Variants in PPP2R2D observed in about 807,000 individuals in gnomAD.
The protein encoded by PPP2R2D is serine/threonine-protein phosphatase 2A 55 kDa regulatory subunit B delta isoform.
PPP2R2D carries 9 observed loss-of-function variants against 31.1 expected under a neutral mutation model. The observed-to-expected ratio is 0.29, with a 90% confidence interval of 0.17 to 0.51. The LOEUF is 0.51. Ranked by LOEUF, PPP2R2D falls within the 20% of genes least tolerant of loss-of-function variation. The pLI, the probability that PPP2R2D is intolerant of heterozygous loss-of-function variation, is 0.98. For synonymous variants in PPP2R2D, 179 were observed against 172.6 expected (o/e 1.04, Z -0.29); for missense variants, 391 against 465.6 (o/e 0.84, Z 1.48).
chr10:131,941,272 A>T (rs1476774128), intron 5 of PPP2R2D, among the ~76,000 whole-genome samples: 1 of 152,212 alleles, frequency 6.6e-6, no homozygotes, highest in South Asian at 2.1e-4. Context: ...CTGATGCCTA[A>T]ATTTTTTCAT....
intron 2 of PPP2R2D, among the ~76,000 whole-genome samples, chr10:131,931,425 G>A (rs2036224717): frequency 6.6e-6 from 1 of 152,152 alleles, no homozygotes; most frequent in African/African-American, 2.4e-5. Context: ...TCAGCTTCCT[G>A]CAATCCCCAC....
At chr10:131,954,976 G>A (rs1021997726) in intron 8 of PPP2R2D, among the ~76,000 whole-genome samples, 1 of 152,188 alleles carries the variant, frequency 6.6e-6, no homozygotes, top group East Asian at 1.9e-4. Flanking sequence ...CTATTTTTCT[G>A]TCATTTTTGT....
At chr10:131,950,927 A>T (rs2036625186) in intron 8 of PPP2R2D, among the ~76,000 whole-genome samples, 1 of 152,270 alleles carries the variant, frequency 6.6e-6, no homozygotes. Context: ...ATTAAATTTT[A>T]AACTTCTTTA....
chr10:131,946,360 GAC>G (rs2036540438), intron 7 of PPP2R2D, among the ~76,000 whole-genome samples: 1 of 152,140 alleles, frequency 6.6e-6, no homozygotes, highest in Admixed American at 6.5e-5. Flanking sequence ...CCAGCAGGTA[GAC>G]ACACGTCCAG....
intron 8 of PPP2R2D, among the ~76,000 whole-genome samples, chr10:131,952,825 T>C (rs1589962834): frequency 6.8e-5 from 4 of 58,834 alleles, no homozygotes; most frequent in Non-Finnish European, 1.2e-4. Context: ...TGCGGGTGTG[T>C]GTGTGGGGTT....
At chr10:131,968,842 C>G in the PPP2R2D span, 1 of 326,666 alleles carries the variant, frequency 3.1e-6, no homozygotes, top group Non-Finnish European at 5.9e-6. Context: ...CAGAAAGCTT[C>G]TGCTTTGTTC....
intron 8 of PPP2R2D, among the ~76,000 whole-genome samples, chr10:131,950,743 G>A (rs988057866): frequency 4.6e-5 from 7 of 152,070 alleles, no homozygotes; most frequent in African/African-American, 1.4e-4. Flanking sequence ...CCACCTGGAC[G>A]GCCTTAGTTA....
chr10:131,916,283 C>G (rs191944680), intron 2 of PPP2R2D, among the ~76,000 whole-genome samples: 350 of 151,014 alleles, frequency 2.3e-3, no homozygotes, highest in African/African-American at 7.8e-3. Flanking sequence ...CCATGTTTCA[C>G]TTGACCTACA....
rs1329506642 is a variant in PPP2R2D, at chr10:131,936,850, C to T, written c.198+2295C>T. Among the ~76,000 whole-genome samples the T allele has an allele frequency of 5.3e-5, 8 of 152,224 alleles. No homozygotes were observed. In the East Asian group the frequency reaches 1.3e-3, roughly 26 times the overall value. The stretch of plus-strand genomic sequence containing the variant: ...TTCTTTTTCTTCGTATTTCGGTTCA[C>T]GTCTGAAAGGCTTTCACGGTCCATC... On this transcript the variant is annotated intron_variant, in intron 3 of 8. Transcript: ENST00000455566.
chr10:131,906,809 T>TCTA (rs1396249071), intron 2 of PPP2R2D, among the ~76,000 whole-genome samples: 1 of 150,998 alleles, frequency 6.6e-6, no homozygotes, highest in Non-Finnish European at 1.5e-5. Context: ...GGTATGGTAG[T>TCTA]ACACACCTGT....
In PPP2R2D at chr10:131,947,466, C is replaced by G. The variant is rs80344141; in HGVS notation, c.821-64C>G. Reference sequence around the variant, plus strand: ...CTGAAGGGGCCACTTCCTACTTGAACTTGAAAATGATTTGTTCTCTGATTT... The same window carrying G: ...CTGAAGGGGCCACTTCCTACTTGAAGTTGAAAATGATTTGTTCTCTGATTT... On this transcript the variant is annotated intron_variant, in intron 7 of 8. Transcript: ENST00000455566. The surrounding 1 kb of genome is among the most constrained non-coding windows in gnomAD (Gnocchi z 4.3). 3.5e-4 allele frequency: 535 copies of G among 1,542,200 alleles called. 4 individuals are homozygous for G. The African/African-American group carries it at 6.3e-3, about 18-fold the overall frequency.
chr10:131,947,506 A>C lies in PPP2R2D; in HGVS notation c.821-24A>C. 12 of 1,605,876 alleles carry C rather than the reference A, an allele frequency of 7.5e-6. No individual in the cohort carries two copies. Among genetic ancestry groups the C allele is most frequent in the Non-Finnish European group, 1.0e-5 (12 of 1,175,526 alleles). ...TTCTCTGATTTTTAAACAGAAGCTG[A>C]AAACATTTTATTTTGTTTTTCAGTT... On this transcript the variant is annotated intron_variant, in intron 7 of 8. Transcript: ENST00000455566. The surrounding 1 kb of genome is among the most constrained non-coding windows in gnomAD (Gnocchi z 4.3).
At chr10:131,927,686 C>T (rs781456086) in intron 2 of PPP2R2D, among the ~76,000 whole-genome samples, 4 of 152,174 alleles carry the variant, frequency 2.6e-5, no homozygotes, top group South Asian at 2.1e-4. Flanking sequence ...CATCGCACAT[C>T]GGACACCCCG....
intron 8 of PPP2R2D, among the ~76,000 whole-genome samples, chr10:131,953,491 C>T (rs1405540099): frequency 1.3e-4 from 7 of 55,598 alleles, no homozygotes; most frequent in African/African-American, 2.3e-4. Flanking sequence ...TGTGGGTGTG[C>T]GGGGGGTTCA....
At position 131,947,267 on chromosome 10, in the gene PPP2R2D, G is replaced by T. The variant is rs2036559953; in HGVS notation, c.821-263G>T. On this transcript the variant is annotated intron_variant, in intron 7 of 8. Transcript: ENST00000455566. This position sits in a 1 kb window ranked among gnomAD's most constrained non-coding sequence, Gnocchi z 4.3. The stretch of plus-strand genomic sequence containing the variant: ...ACCTTGCCTAGAGATTCTCATTCAG[G>T]GTCCGGGTGAGACTTGGGCGTCTAC... 6.6e-6 allele frequency among the ~76,000 whole-genome samples: 1 copy of T among 152,146 alleles called. No homozygotes were observed. Among genetic ancestry groups the T allele is most frequent in the Non-Finnish European group, 1.5e-5 (1 of 68,032 alleles).
intron 2 of PPP2R2D, among the ~76,000 whole-genome samples, chr10:131,932,663 A>C (rs896490863): frequency 6.9e-6 from 1 of 144,644 alleles, no homozygotes; most frequent in African/African-American, 2.8e-5. Flanking sequence ...AAAAAAAAAA[A>C]AAAAACACAC....
intron 2 of PPP2R2D, among the ~76,000 whole-genome samples, chr10:131,901,904 G>A (rs920891097): frequency 3.3e-5 from 5 of 152,334 alleles, no homozygotes; most frequent in African/African-American, 7.2e-5. Flanking sequence ...TTTACTGTGA[G>A]GTACTGCTAC....
intron 2 of PPP2R2D, among the ~76,000 whole-genome samples, chr10:131,928,325 C>G (rs1392322026): frequency 6.6e-6 from 1 of 152,198 alleles, no homozygotes; most frequent in African/African-American, 2.4e-5. Context: ...GCGAGCAGCA[C>G]CTGGTCTGTG....
the PPP2R2D span, chr10:131,970,386 T>C: frequency 1.8e-6 from 1 of 559,334 alleles, no homozygotes; most frequent in Admixed American, 3.2e-5. This position sits in a 1 kb window ranked among gnomAD's most constrained non-coding sequence, Gnocchi z 4.1. Flanking sequence ...TTTGACTCCG[T>C]TTATATTCAG....
Sources: allele counts gnomAD v4.1 joint callset (sites outside exome capture counted in the v4.1 genomes callset), GRCh38; gene constraint gnomAD v4.1.1; non-coding constraint Gnocchi (gnomAD v3.1); transcripts MANE v1.5; gene names NCBI Gene and HGNC (gene_info 2026-07-23, HGNC 2026-07-21).